Variants in COG2 observed in about 807,000 individuals in gnomAD.
COG2 encodes component of oligomeric golgi complex 2, also known as conserved oligomeric Golgi complex subunit 2.
Under a neutral mutation model 90.6 loss-of-function variants are expected in COG2, and 52 were observed. The ratio of observed to expected loss-of-function variants is 0.57; its 90% CI spans 0.46 to 0.72. The LOEUF is 0.72. COG2 is among the 30% of genes least tolerant of loss of function. COG2 has a pLI of 0.00. For missense variants in COG2, 829 were observed against 891.2 expected, an observed-to-expected ratio of 0.93 and a Z score of 0.89; for synonymous variants, 337 against 320.4, an observed-to-expected ratio of 1.05 and a Z score of -0.55.
At chr1:230,692,784 G>T (rs1400205570) in intron 17 of COG2, among the ~76,000 whole-genome samples, 7 of 84,592 alleles carry the variant, frequency 8.3e-5, no homozygotes, top group Admixed American at 5.1e-4. Flanking sequence ...ACGTGTGTGT[G>T]TGTTGTTATT....
intron 12 of COG2, among the ~76,000 whole-genome samples, chr1:230,685,620 A>T (rs1337671479): frequency 1.3e-5 from 2 of 152,250 alleles, no homozygotes; most frequent in Non-Finnish European, 2.9e-5. Flanking sequence ...TAATATTTGG[A>T]AGTTTACAAA....
intron 1 of COG2, among the ~76,000 whole-genome samples, chr1:230,650,024 C>T (rs546550059): frequency 6.6e-6 from 1 of 152,186 alleles, no homozygotes; most frequent in Non-Finnish European, 1.5e-5. Context: ...ACCTCCAGCT[C>T]CATCCATGTT....
At chr1:230,649,323 A>G (rs1020359339) in intron 1 of COG2, among the ~76,000 whole-genome samples, 7 of 152,112 alleles carry the variant, frequency 4.6e-5, no homozygotes, top group Non-Finnish European at 2.9e-5. Context: ...TGCACTGGGG[A>G]CAGCACTAGG....
chr1:230,647,443 G>A (rs1661815176), intron 1 of COG2, among the ~76,000 whole-genome samples: 1 of 152,202 alleles, frequency 6.6e-6, no homozygotes, highest in Admixed American at 6.5e-5. Flanking sequence ...ACCTGGAGAT[G>A]TGGGCCCCAG....
chr1:230,682,120 C>T (rs923712427), intron 10 of COG2: 2 of 152,236 alleles, frequency 1.3e-5, no homozygotes, highest in Non-Finnish European at 2.9e-5. Flanking sequence ...ATCTCAGGTT[C>T]CATAAGCATA....
chr1:230,642,562 G>A lies in COG2; in HGVS notation c.-45G>A, dbSNP rs373080109. 3.8e-6 allele frequency: 6 copies of A among 1,588,650 alleles called. No individual in the cohort carries two copies. In the African/African-American group the frequency reaches 5.4e-5, roughly 14 times the overall value. Reference sequence around the variant, plus strand: ...CGAGTCGGTCTGCGCAGCCTCCTGCGTTTTCTCGCTTGGATCTTGGCACTG... The same window carrying A: ...CGAGTCGGTCTGCGCAGCCTCCTGCATTTTCTCGCTTGGATCTTGGCACTG... On this transcript the variant is annotated 5_prime_UTR_variant, in exon 1 of 18. Transcript: ENST00000366669.
chr1:230,676,457 C>T (rs376248699), intron 9 of COG2, among the ~76,000 whole-genome samples: 3 of 152,254 alleles, frequency 2.0e-5, no homozygotes, highest in Non-Finnish European at 1.5e-5. Flanking sequence ...CTGGACAATA[C>T]GCGGAACTTA....
In COG2 at chr1:230,685,215, A is replaced by T; in HGVS notation, c.1359A>T (p.Arg453=). 1.9e-6 allele frequency: 3 copies of T among 1,614,192 alleles called. No individual in the cohort carries two copies. In the South Asian group the frequency reaches 3.3e-5, roughly 18 times the overall value. Residue 453 remains arginine, a synonymous_variant, in exon 12 of 18, where the codon CGA becomes CGT. Coordinates refer to ENST00000366669, the MANE Select transcript of COG2 (RefSeq NM_007357.3). ...GACTCACTCTGCAGATTTTGGCACG[A>T]TACTCTGTGTTTGTCAATGAGGTAA... The part of the protein sequence containing the change: ...LWRLTLQILA[R]YSVFVNELSL...
chr1:230,658,194 T>C (rs1662108509), intron 1 of COG2, among the ~76,000 whole-genome samples: 1 of 152,176 alleles, frequency 6.6e-6, no homozygotes, highest in Non-Finnish European at 1.5e-5. Context: ...TTTCTCCCCA[T>C]CTTTGTGGAT....
At chr1:230,672,675 A>ATG (rs2102760483) in intron 8 of COG2, among the ~76,000 whole-genome samples, 1 of 152,048 alleles carries the variant, frequency 6.6e-6, no homozygotes, top group Non-Finnish European at 1.5e-5. Context: ...AAAAAAAAAA[A>ATG]AAGGCCATTT....
intron 1 of COG2, among the ~76,000 whole-genome samples, chr1:230,656,981 G>A (rs527952158): frequency 7.9e-5 from 12 of 152,196 alleles, no homozygotes; most frequent in Non-Finnish European, 1.3e-4. Context: ...CGTGAGATGG[G>A]TCTCCTAAAT....
At chr1:230,672,335 C>T (rs1359265451) in intron 8 of COG2, among the ~76,000 whole-genome samples, 1 of 152,200 alleles carries the variant, frequency 6.6e-6, no homozygotes, top group Non-Finnish European at 1.5e-5. Context: ...TTGTTCTTGC[C>T]TGGTAGCTCT....
intron 1 of COG2, among the ~76,000 whole-genome samples, chr1:230,657,641 G>T (rs12757266): frequency 1.6e-4 from 25 of 152,122 alleles, no homozygotes; most frequent in Non-Finnish European, 2.5e-4. Context: ...AGTTCTCCCG[G>T]ATAACATTCT....
intron 9 of COG2, 97 bp from the exon 10 acceptor site, chr1:230,678,816 G>T (rs757472991): frequency 3.2e-6 from 5 of 1,582,330 alleles, no homozygotes; most frequent in Non-Finnish European, 3.4e-6. Context: ...TGATTCTTAC[G>T]TGTTGAGCTT....
At chr1:230,646,943 G>C (rs6670691) in intron 1 of COG2, among the ~76,000 whole-genome samples, 1 of 151,768 alleles carries the variant, frequency 6.6e-6, no homozygotes, top group Non-Finnish European at 1.5e-5. Flanking sequence ...CCCACTTTCT[G>C]ACTCATCATT....
chr1:230,644,312 A>AT (rs749653675), intron 1 of COG2, among the ~76,000 whole-genome samples: 6 of 152,220 alleles, frequency 3.9e-5, no homozygotes, highest in Admixed American at 1.3e-4. Flanking sequence ...AATTTTGTTG[A>AT]TTTTTTAGGT....
intron 4 of COG2, among the ~76,000 whole-genome samples, chr1:230,664,062 G>C (rs1220072413): frequency 6.6e-6 from 1 of 151,958 alleles, no homozygotes; most frequent in Non-Finnish European, 1.5e-5. Context: ...GGTGGTGTGT[G>C]CCTATAGTCC....
chr1:230,681,827 C>T (rs1194801809), intron 10 of COG2: 1 of 152,196 alleles, frequency 6.6e-6, no homozygotes, highest in Non-Finnish European at 1.5e-5. Context: ...GGGCTGGTCC[C>T]CTGGCTGGGG....
chr1:230,679,096 C>T lies in COG2; in HGVS notation c.1166+44C>T, dbSNP rs375651539. On this transcript the variant is annotated intron_variant, in intron 10 of 17. Coordinates refer to ENST00000366669, the MANE Select transcript of COG2 (RefSeq NM_007357.3). ...GCCCCCGCCCCGCACCCTTCTAAAA[C>T]AGAATTGGAATGCCAGTTAAGGATG... 3.2e-6 allele frequency: 5 copies of T among 1,561,054 alleles called. No homozygotes were observed. In the African/African-American group the frequency reaches 5.5e-5, roughly 17 times the overall value.
Sources: allele counts gnomAD v4.1 joint callset (sites outside exome capture counted in the v4.1 genomes callset), GRCh38; gene constraint gnomAD v4.1.1; transcripts MANE v1.5; gene names NCBI Gene and HGNC (gene_info 2026-07-23, HGNC 2026-07-21).